WDPCP: variants seen among roughly 807,000 people sequenced by gnomAD.
WDPCP encodes WD repeat containing planar cell polarity effector, also known as WD repeat-containing and planar cell polarity effector protein fritz homolog.
WDPCP carries 71 observed loss-of-function variants against 93.1 expected under a neutral mutation model. The ratio of observed to expected loss-of-function variants is 0.76; its 90% CI spans 0.63 to 0.93. The LOEUF (loss-of-function observed/expected upper bound fraction) is 0.93. WDPCP is among the 40% of genes least tolerant of loss of function. WDPCP has a pLI of 0.00. For missense variants in WDPCP, 844 were observed against 887.4 expected, an observed-to-expected ratio of 0.95 and a Z score of 0.62; for synonymous variants, 315 against 315.0, an observed-to-expected ratio of 1.00 and a Z score of 0.00.
intron 2 of WDPCP, among the ~76,000 whole-genome samples, chr2:63,702,260 A>G (rs1007159596): frequency 6.6e-6 from 1 of 152,138 alleles, no homozygotes; most frequent in Admixed American, 6.5e-5. Context: ...TCCTGACCTC[A>G]GGTGATCCGC....
intron 2 of WDPCP, among the ~76,000 whole-genome samples, chr2:63,699,184 T>C (rs1305458375): frequency 6.6e-6 from 1 of 152,150 alleles, no homozygotes; most frequent in Non-Finnish European, 1.5e-5. Flanking sequence ...AGCCACTGTC[T>C]TTCACCCATC....
intron 14 of WDPCP, among the ~76,000 whole-genome samples, chr2:63,184,911 CTTT>C (rs956652181): frequency 6.6e-6 from 1 of 151,704 alleles, no homozygotes; most frequent in Non-Finnish European, 1.5e-5. Flanking sequence ...CTATTTTATT[CTTT>C]TTTCTTTGTC....
intron 2 of WDPCP, among the ~76,000 whole-genome samples, chr2:63,774,506 T>G (rs928878620): frequency 6.6e-6 from 1 of 152,174 alleles, no homozygotes; most frequent in Admixed American, 6.5e-5. Context: ...TCCTCAAATC[T>G]TTATATCCAG....
intron 14 of WDPCP, chr2:63,228,387 C>CTTTTTTTTT: frequency 5.1e-4 from 56 of 110,270 alleles, no homozygotes; most frequent in South Asian, 9.0e-4. Context: ...TTTTCTTTTT[C>CTTTTTTTTT]TTTTTTTTTT....
intron 15 of WDPCP, among the ~76,000 whole-genome samples, 154 bp from the exon 16 acceptor site, chr2:63,153,728 T>C (rs1672040197): frequency 6.6e-6 from 1 of 152,018 alleles, no homozygotes; most frequent in Admixed American, 6.6e-5. Flanking sequence ...TTCAACAATA[T>C]AGTAATCATT....
chr2:63,750,072 T>C (rs1669858254), intron 2 of WDPCP, among the ~76,000 whole-genome samples: 1 of 152,046 alleles, frequency 6.6e-6, no homozygotes, highest in South Asian at 2.1e-4. Flanking sequence ...ATATTTGTGA[T>C]AAAAATAGGT....
intron 3 of WDPCP, among the ~76,000 whole-genome samples, chr2:63,609,585 T>C (rs1042985656): frequency 1.3e-5 from 2 of 152,178 alleles, no homozygotes; most frequent in African/African-American, 4.8e-5. Context: ...ACTAATTTCA[T>C]GTAGAATTAA....
At chr2:63,734,080 A>C (rs1225843759) in intron 2 of WDPCP, among the ~76,000 whole-genome samples, 1 of 152,196 alleles carries the variant, frequency 6.6e-6, no homozygotes, top group African/African-American at 2.4e-5. Flanking sequence ...ATGAGTACTC[A>C]GTCCATTTTA....
At chr2:63,219,158 CAT>C (rs1238537051) in intron 14 of WDPCP, among the ~76,000 whole-genome samples, 2 of 152,128 alleles carry the variant, frequency 1.3e-5, no homozygotes, top group Non-Finnish European at 2.9e-5. Flanking sequence ...CGAGCCAAAA[CAT>C]AGGAACATTT....
intron 3 of WDPCP, among the ~76,000 whole-genome samples, chr2:63,615,665 T>C (rs913488030): frequency 2.6e-5 from 4 of 152,234 alleles, no homozygotes; most frequent in Non-Finnish European, 5.9e-5. Flanking sequence ...ATTAAACTTC[T>C]GCTCTAACCT....
At chr2:63,585,613 A>G (rs1213864427) in intron 1 of WDPCP, among the ~76,000 whole-genome samples, 1 of 151,944 alleles carries the variant, frequency 6.6e-6, no homozygotes, top group African/African-American at 2.4e-5. Context: ...AGCTACTTAG[A>G]CAGACAGCAA....
At chr2:63,503,751 T>C (rs995377264) in intron 1 of WDPCP, among the ~76,000 whole-genome samples, 1 of 152,052 alleles carries the variant, frequency 6.6e-6, no homozygotes, top group African/African-American at 2.4e-5. Context: ...ATAAATTGAA[T>C]TTCAGGAATA....
intron 2 of WDPCP, among the ~76,000 whole-genome samples, chr2:63,689,523 G>T (rs1668861850): frequency 6.6e-6 from 1 of 152,162 alleles, no homozygotes; most frequent in Non-Finnish European, 1.5e-5. Context: ...CTATCAGGCT[G>T]TGGTGAACCC....
chr2:63,689,467 G>A (rs186615448), intron 2 of WDPCP, among the ~76,000 whole-genome samples: 119 of 152,226 alleles, frequency 7.8e-4, no homozygotes, highest in African/African-American at 2.5e-3. Flanking sequence ...AATACCTAAG[G>A]TAATTGTGAC....
chr2:63,573,308 T>C (rs1303254411), intron 1 of WDPCP, among the ~76,000 whole-genome samples: 2 of 151,906 alleles, frequency 1.3e-5, no homozygotes, highest in East Asian at 3.9e-4. Flanking sequence ...TCATTGCAAC[T>C]TGTTGTGGGA....
At chr2:63,536,005 C>G (rs544238124) in intron 1 of WDPCP, among the ~76,000 whole-genome samples, 54 of 151,356 alleles carry the variant, frequency 3.6e-4, no homozygotes, top group African/African-American at 1.2e-3. Context: ...GGAATTTAAA[C>G]AAATTTACAA....
intron 1 of WDPCP, among the ~76,000 whole-genome samples, chr2:63,824,293 G>C (rs1671075887): frequency 6.6e-6 from 1 of 151,728 alleles, no homozygotes; most frequent in Non-Finnish European, 1.5e-5. Context: ...ACGTGGAACT[G>C]TGAATCAATT....
At chr2:63,561,109 AG>A (rs1706578086) in intron 1 of WDPCP, among the ~76,000 whole-genome samples, 1 of 152,228 alleles carries the variant, frequency 6.6e-6, no homozygotes, top group Non-Finnish European at 1.5e-5. Context: ...CCAAAACTAC[AG>A]AAACCCTAGA....
chr2:63,529,491 G>A (rs1703642763), intron 1 of WDPCP, among the ~76,000 whole-genome samples: 1 of 152,118 alleles, frequency 6.6e-6, no homozygotes, highest in Non-Finnish European at 1.5e-5. Flanking sequence ...TTTTGTCTTT[G>A]GTTCTGTTTA....
Sources: allele counts gnomAD v4.1 joint callset (sites outside exome capture counted in the v4.1 genomes callset), GRCh38; gene constraint gnomAD v4.1.1; transcripts MANE v1.5; gene names NCBI Gene and HGNC (gene_info 2026-07-23, HGNC 2026-07-21).